The following PLPPR1 variants were observed in gnomAD, a reference collection of about 807,000 sequenced individuals.
PLPPR1 encodes phospholipid phosphatase related 1.
In PLPPR1, 10 loss-of-function variants were observed where a neutral mutation model predicts 33.1. The observed-to-expected ratio is 0.30, with a 90% CI of 0.19 to 0.51. The LOEUF (loss-of-function observed/expected upper bound fraction) is 0.51. Among genes scored for constraint, PLPPR1 ranks in the 20% least tolerant of loss-of-function variants. PLPPR1 has a pLI of 0.97. For missense variants in PLPPR1, 304 were observed against 408.1 expected, an observed-to-expected ratio of 0.74 and a Z score of 2.20; for synonymous variants, 151 against 151.0, an observed-to-expected ratio of 1.00 and a Z score of 0.00.
intron 1 of PLPPR1, among the ~76,000 whole-genome samples, chr9:101,052,278 G>A (rs1830231225): frequency 6.6e-6 from 1 of 152,140 alleles, no homozygotes; most frequent in Non-Finnish European, 1.5e-5. Context: ...CTTGATGAGT[G>A]GTTTTCAACT....
At chr9:101,290,959 G>T (rs111762996) in intron 4 of PLPPR1, among the ~76,000 whole-genome samples, 11 of 152,366 alleles carry the variant, frequency 7.2e-5, no homozygotes, top group African/African-American at 2.2e-4. Context: ...AGCGCACCAA[G>T]CGCGAGCCAA....
intron 1 of PLPPR1, among the ~76,000 whole-genome samples, chr9:101,091,752 C>A (rs1334807850): frequency 6.6e-6 from 1 of 152,186 alleles, no homozygotes; most frequent in African/African-American, 2.4e-5. Context: ...TATTATTCTG[C>A]CTACCATACC....
At chr9:101,279,935 A>G (rs559308848) in intron 3 of PLPPR1, among the ~76,000 whole-genome samples, 3 of 152,120 alleles carry the variant, frequency 2.0e-5, no homozygotes, top group Non-Finnish European at 2.9e-5. Context: ...AACCCAAATT[A>G]TGCAAAGAAA....
chr9:101,215,375 G>T (rs1453319496), intron 2 of PLPPR1, among the ~76,000 whole-genome samples: 1 of 152,108 alleles, frequency 6.6e-6, no homozygotes, highest in Non-Finnish European at 1.5e-5. Flanking sequence ...CGCCTCCCGG[G>T]TTCAAGGGAT....
At chr9:101,197,053 A>G (rs1038222187) in intron 2 of PLPPR1, among the ~76,000 whole-genome samples, 2 of 151,918 alleles carry the variant, frequency 1.3e-5, no homozygotes, top group Admixed American at 1.3e-4. Context: ...TCTATTGCTC[A>G]GACCTGTTCA....
intron 1 of PLPPR1, among the ~76,000 whole-genome samples, chr9:101,173,956 G>A (rs558834500): frequency 2.0e-5 from 3 of 152,158 alleles, no homozygotes; most frequent in South Asian, 4.2e-4. Context: ...GAGAAAAAAT[G>A]TTCCAGCCTA....
chr9:101,135,269 C>G (rs1400846736), intron 1 of PLPPR1, among the ~76,000 whole-genome samples: 2 of 152,194 alleles, frequency 1.3e-5, no homozygotes, highest in Non-Finnish European at 2.9e-5. Flanking sequence ...GCCACTCAAA[C>G]AAAGGCCTTA....
At chr9:101,290,786 T>A (rs1195905158) in intron 4 of PLPPR1, among the ~76,000 whole-genome samples, 1 of 152,182 alleles carries the variant, frequency 6.6e-6, no homozygotes, top group African/African-American at 2.4e-5. Flanking sequence ...ATGAATCCGA[T>A]CCTTTCCTGA....
At chr9:101,149,665 A>G (rs1018253309) in intron 1 of PLPPR1, among the ~76,000 whole-genome samples, 1 of 152,152 alleles carries the variant, frequency 6.6e-6, no homozygotes, top group Admixed American at 6.6e-5. Context: ...TATATCTTCT[A>G]TATGTTGCTA....
intron 1 of PLPPR1, among the ~76,000 whole-genome samples, chr9:101,143,833 A>C (rs1012875896): frequency 6.6e-6 from 1 of 152,144 alleles, no homozygotes; most frequent in African/African-American, 2.4e-5. Flanking sequence ...CTGTTGGTGG[A>C]ACTGTAAACT....
chr9:101,140,772 CATA>C (rs1421126367), intron 1 of PLPPR1, among the ~76,000 whole-genome samples: 1 of 152,078 alleles, frequency 6.6e-6, no homozygotes, highest in Non-Finnish European at 1.5e-5. Flanking sequence ...TTGTGAAAAG[CATA>C]ATAAGACTTA....
intron 1 of PLPPR1, among the ~76,000 whole-genome samples, chr9:101,141,149 C>T (rs968795207): frequency 1.3e-5 from 2 of 152,142 alleles, no homozygotes; most frequent in Admixed American, 1.3e-4. Flanking sequence ...CCGTGAAGAA[C>T]ATGGCATGTT....
chr9:101,194,266 A>G (rs1311206446), intron 2 of PLPPR1, among the ~76,000 whole-genome samples: 6 of 152,194 alleles, frequency 3.9e-5, no homozygotes, highest in Non-Finnish European at 8.8e-5. Flanking sequence ...TTTTGACATT[A>G]TTTAGTTCAG....
intron 1 of PLPPR1, among the ~76,000 whole-genome samples, chr9:101,154,964 G>T (rs533832095): frequency 3.6e-5 from 4 of 112,582 alleles, no homozygotes; most frequent in African/African-American, 1.0e-4. Context: ...CCTCTCATGG[G>T]GTGGGGGGAG....
chr9:101,244,818 T>C (rs1374479231), intron 2 of PLPPR1, among the ~76,000 whole-genome samples: 3 of 152,048 alleles, frequency 2.0e-5, no homozygotes, highest in South Asian at 2.1e-4. Flanking sequence ...TTTGTTAATA[T>C]GTATCTGATA....
At chr9:101,179,285 C>T (rs183589662) in intron 1 of PLPPR1, among the ~76,000 whole-genome samples, 3 of 152,104 alleles carry the variant, frequency 2.0e-5, no homozygotes, top group East Asian at 1.9e-4. Flanking sequence ...GTCACACCAT[C>T]AGGAAAAAAA....
chr9:101,284,541 T>C (rs1027420069), intron 3 of PLPPR1, among the ~76,000 whole-genome samples: 4 of 152,196 alleles, frequency 2.6e-5, no homozygotes, highest in Admixed American at 2.6e-4. Context: ...CTATGTAAGA[T>C]CATGCATATG....
intron 2 of PLPPR1, among the ~76,000 whole-genome samples, chr9:101,231,060 C>T (rs1046554459): frequency 7.9e-5 from 12 of 151,768 alleles, no homozygotes; most frequent in South Asian, 2.1e-4. Flanking sequence ...ATTACTTTCC[C>T]TATTAATAAT....
At chr9:101,255,291 T>C (rs1269422079) in intron 2 of PLPPR1, among the ~76,000 whole-genome samples, 1 of 152,142 alleles carries the variant, frequency 6.6e-6, no homozygotes, top group African/African-American at 2.4e-5. Context: ...AGCTACCCTT[T>C]AGCAACTAGC....
Sources: allele counts gnomAD v4.1 joint callset (sites outside exome capture counted in the v4.1 genomes callset), GRCh38; gene constraint gnomAD v4.1.1; transcripts MANE v1.5; gene names NCBI Gene and HGNC (gene_info 2026-07-23, HGNC 2026-07-21).